Variants in SYMPK observed in about 807,000 individuals in gnomAD.
SYMPK encodes the protein symplekin scaffold protein, also known as symplekin.
In SYMPK, 49 loss-of-function variants were observed where a neutral mutation model predicts 136.4. That is an observed-to-expected ratio of 0.36 (90% CI 0.29 to 0.46). SYMPK has a LOEUF of 0.46. Ranked by LOEUF, SYMPK falls within the 20% of genes least tolerant of loss-of-function variation. SYMPK has a pLI of 1.00. For missense variants in SYMPK, 1,365 were observed against 1,690.0 expected, an observed-to-expected ratio of 0.81 and a Z score of 3.37; for synonymous variants, 766 against 713.0, an observed-to-expected ratio of 1.07 and a Z score of -1.19.
At chr19:45,824,720 C>T (rs889811669) in intron 18 of SYMPK, among the ~76,000 whole-genome samples, 1 of 152,180 alleles carries the variant, frequency 6.6e-6, no homozygotes, top group African/African-American at 2.4e-5. Flanking sequence ...CTCATGTGGG[C>T]AGACCTGTGC....
chr19:45,862,174 A>C (rs1971982129), intron 1 of SYMPK: 1 of 152,110 alleles, frequency 6.6e-6, no homozygotes, highest in Non-Finnish European at 1.5e-5. Context: ...ATTCCTTTTT[A>C]GAGTTGCATA....
intron 9 of SYMPK, 77 bp from the exon 10 acceptor site, chr19:45,838,692 G>A (rs553531120): frequency 6.7e-7 from 1 of 1,485,498 alleles, no homozygotes; most frequent in Admixed American, 2.0e-5. Context: ...GTGCCCGGGT[G>A]GTCCCTGCCT....
chr19:45,816,240 G>T, intron 25 of SYMPK, 57 bp from the exon 26 acceptor site: 1 of 1,270,892 alleles, frequency 7.9e-7, no homozygotes, highest in Non-Finnish European at 1.1e-6. Flanking sequence ...GAGGACGGCC[G>T]GAAAGAGAAG....
chr19:45,855,689 T>G (rs1376263072), intron 1 of SYMPK: 1 of 147,610 alleles, frequency 6.8e-6, no homozygotes, highest in Non-Finnish European at 1.5e-5. Flanking sequence ...TATGTTTCTG[T>G]TTTACAAAAA....
chr19:45,852,309 T>C lies in SYMPK; in HGVS notation c.299+3A>G. On this transcript the variant is annotated splice_donor_region_variant and intron_variant, in intron 5 of 26. Coordinates refer to ENST00000245934, the MANE Select transcript of SYMPK (RefSeq NM_004819.3). ...TCCCGGGGCTCCGTGCCTCGCCCCA[T>C]ACCATGCCTCCTCGATGAAGCCGAT... 6.2e-7 allele frequency: 1 copy of C among 1,614,238 alleles called. No homozygotes were observed. Among genetic ancestry groups the C allele is most frequent in the Non-Finnish European group, 8.5e-7 (1 of 1,180,042 alleles).
At chr19:45,825,826 A>C (rs1163342952) in intron 17 of SYMPK, among the ~76,000 whole-genome samples, 2 of 151,918 alleles carry the variant, frequency 1.3e-5, no homozygotes, top group African/African-American at 4.8e-5. Context: ...AAGGCTGTGC[A>C]TCTCCTGGGA....
chr19:45,854,123 C>T (rs1331045489), intron 3 of SYMPK, 52 bp downstream of exon 3: 1 of 1,578,448 alleles, frequency 6.3e-7, no homozygotes, highest in Non-Finnish European at 8.7e-7. Context: ...TCTCAGGTTC[C>T]CAGCCTCCTC....
In SYMPK at chr19:45,842,410, C is replaced by T. The variant is rs758959529; in HGVS notation, c.927G>A (p.Leu309=). ...GGAACTCCAAGGAAGCCGGGTGCTT[C>T]AGCACACTCAACAGGTGCAGCTTCA... ...KNLKLHLLSV[L]KHPASLEFQA... is the part of the protein sequence containing the mutation. Residue 309 remains leucine (L), a synonymous_variant, in exon 9 of 27, where the codon CTG becomes CTA. Coordinates refer to ENST00000245934, the MANE Select transcript of SYMPK (RefSeq NM_004819.3). 2.5e-6 allele frequency: 4 copies of T among 1,614,208 alleles called. No homozygotes were observed. The highest frequency in any genetic ancestry group is 3.4e-6 in the Non-Finnish European group (4 of 1,180,044).
chr19:45,816,518 T>C lies in SYMPK; in HGVS notation c.3318A>G (p.Pro1106=). ...TILEASGKQE[P]EAKEAPAGPL... is the part of the protein sequence containing the mutation. The stretch of plus-strand genomic sequence containing the variant: ...GCCCCGCAGGCGCCTCCTTGGCCTC[T>C]GGCTCCTGCTTGCCGCTGGCCTCCA... The change falls in exon 25 of 27, where the codon CCA becomes CCG. Residue 1106 remains proline (P), a synonymous_variant. Coordinates refer to ENST00000245934, the MANE Select transcript of SYMPK (RefSeq NM_004819.3). The C allele has an allele frequency of 6.2e-7, 1 of 1,613,556 alleles. No homozygotes were observed. The highest frequency in any genetic ancestry group is 8.5e-7 in the Non-Finnish European group (1 of 1,179,956).
intron 5 of SYMPK, among the ~76,000 whole-genome samples, chr19:45,851,326 C>T (rs751989915): frequency 1.6e-4 from 24 of 152,010 alleles, no homozygotes; most frequent in Non-Finnish European, 2.9e-4. Flanking sequence ...CTGTAATCCC[C>T]GCACTTTGGG....
chr19:45,833,537 G>A (rs1402199919), intron 11 of SYMPK, among the ~76,000 whole-genome samples: 2 of 151,926 alleles, frequency 1.3e-5, no homozygotes, highest in African/African-American at 2.4e-5. Context: ...AGGAGGTGGA[G>A]CTTGCAGTGA....
chr19:45,830,295 C>T, intron 12 of SYMPK, 91 bp from the exon 13 acceptor site: 1 of 1,424,452 alleles, frequency 7.0e-7, no homozygotes, highest in African/African-American at 1.4e-5. Flanking sequence ...ACTAGGTAGG[C>T]AACAGAGATG....
chr19:45,838,146 A>G (rs1971349393), intron 10 of SYMPK, among the ~76,000 whole-genome samples: 1 of 151,920 alleles, frequency 6.6e-6, no homozygotes, highest in Non-Finnish European at 1.5e-5. Flanking sequence ...AGATCTGGTC[A>G]TTTAAAAGTG....
At position 45,815,879 on chromosome 19, in the gene SYMPK, T is replaced by TC. The variant is rs1236388838; in HGVS notation, c.3658dup (p.Asp1220GlyfsTer3). The TC allele has an allele frequency of 6.2e-7, 1 of 1,611,100 alleles. No homozygotes were observed. Among genetic ancestry groups the TC allele is most frequent in the Non-Finnish European group, 8.5e-7 (1 of 1,179,598 alleles). On this transcript the variant is annotated frameshift_variant, in exon 26 of 27. Coordinates refer to ENST00000245934, the MANE Select transcript of SYMPK (RefSeq NM_004819.3). LOFTEE classifies it high-confidence loss of function. The stretch of plus-strand genomic sequence containing the variant: ...GGGTAGGGGGCCCTCGAGACTAGAG[T>TC]CCAACAGCGCGGCCTCGGTCAGCCC...
intron 3 of SYMPK, among the ~76,000 whole-genome samples, chr19:45,853,324 G>A (rs556325491): frequency 1.3e-5 from 2 of 152,296 alleles, no homozygotes; most frequent in East Asian, 1.9e-4. Flanking sequence ...ACACACTTCT[G>A]TGCCCTCAGC....
intron 15 of SYMPK, 49 bp from the exon 16 acceptor site, chr19:45,827,672 C>A (rs773199287): frequency 1.3e-6 from 2 of 1,560,100 alleles, no homozygotes; most frequent in Non-Finnish European, 1.8e-6. Context: ...GAGTGTGCCT[C>A]TGGGCTCTGT....
intron 16 of SYMPK, among the ~76,000 whole-genome samples, chr19:45,826,723 C>T (rs1395727966): frequency 6.6e-6 from 1 of 152,194 alleles, no homozygotes; most frequent in South Asian, 2.1e-4. Context: ...CTGTTTCACT[C>T]AGATATCATC....
At position 45,815,695 on chromosome 19, in the gene SYMPK, C is replaced by T; in HGVS notation, c.3690G>A (p.Glu1230=). 6.2e-7 allele frequency: 1 copy of T among 1,609,816 alleles called. No individual in the cohort carries two copies. Among genetic ancestry groups the T allele is most frequent in the Non-Finnish European group, 8.5e-7 (1 of 1,178,728 alleles). The change falls in exon 27 of 27, where the codon GAG becomes GAA. Residue 1230 remains glutamate, a splice_region_variant and synonymous_variant. Coordinates refer to ENST00000245934, the MANE Select transcript of SYMPK (RefSeq NM_004819.3). ...TCAAGGTCAGCCCGCCCGCTGCCGTCTCCTGGTGACCGGGGAAGGAAAGGG... is the reference window on the plus strand; with the variant it reads ...TCAAGGTCAGCCCGCCCGCTGCCGTTTCCTGGTGACCGGGGAAGGAAAGGG... The part of the protein sequence containing the change: ...DSSLEGPLPK[E]TAAGGLTLKE...
At chr19:45,831,014 C>CA (rs1384257558) in intron 12 of SYMPK, 1 of 166,902 alleles carries the variant, frequency 6.0e-6, no homozygotes, top group Non-Finnish European at 1.3e-5. Context: ...ATTTACTACA[C>CA]AACAGGAACC....
Sources: allele counts gnomAD v4.1 joint callset (sites outside exome capture counted in the v4.1 genomes callset), GRCh38; gene constraint gnomAD v4.1.1; transcripts MANE v1.5; gene names NCBI Gene and HGNC (gene_info 2026-07-23, HGNC 2026-07-21).